IL1RN: variants seen among roughly 807,000 people sequenced by gnomAD.
IL1RN encodes interleukin-1 receptor antagonist protein.
IL1RN carries 10 observed loss-of-function variants against 13.7 expected under a neutral mutation model. The observed-to-expected ratio is 0.73, with a 90% CI of 0.45 to 1.24. The LOEUF is 1.24. Among genes scored for constraint, IL1RN ranks in the 50% most tolerant of loss-of-function variants. The pLI, the probability that IL1RN is intolerant of heterozygous loss-of-function variation, is 0.00. For synonymous variants in IL1RN, 102 were observed against 82.7 expected, an observed-to-expected ratio of 1.23 and a Z score of -1.27; for missense variants, 213 against 222.1, an observed-to-expected ratio of 0.96 and a Z score of 0.26.
chr2:113,126,105 C>T (rs559731877), upstream of IL1RN, among the ~76,000 whole-genome samples: 2 of 152,252 alleles, frequency 1.3e-5, no homozygotes, highest in East Asian at 1.9e-4. Context: ...GCCCAGCCAT[C>T]ATTTTTGAAA....
chr2:113,126,625 G>T (rs3087262), upstream of IL1RN, among the ~76,000 whole-genome samples: 1 of 151,966 alleles, frequency 6.6e-6, no homozygotes, highest in East Asian at 1.9e-4. Context: ...ATGTGTATCA[G>T]AGCCCATTAT....
chr2:113,116,838 C>T (rs36215121), upstream of IL1RN, among the ~76,000 whole-genome samples: 30 of 152,284 alleles, frequency 2.0e-4, no homozygotes, highest in South Asian at 6.2e-4. Flanking sequence ...TTATGTACTG[C>T]GTGTCATTCA....
the IL1RN span, among the ~76,000 whole-genome samples, chr2:113,101,147 T>C: frequency 6.6e-6 from 1 of 152,158 alleles, no homozygotes; most frequent in Non-Finnish European, 1.5e-5. Context: ...AAAGGCTAGT[T>C]TGTAAAGCTT....
At position 113,132,951 on chromosome 2, in the gene IL1RN, G is replaced by C. The variant is rs1479176934; in HGVS notation, c.*80G>C. The stretch of plus-strand genomic sequence containing the variant: ...CCAGTCCCCCTGCCCCAGGGCTCCC[G>C]GCTATGGGGGCACTGAGGACCAGCC... On this transcript the variant is annotated 3_prime_UTR_variant, in exon 4 of 4. Coordinates refer to ENST00000409930, the MANE Select transcript of IL1RN (RefSeq NM_173842.3). 2.2e-6 allele frequency: 3 copies of C among 1,348,460 alleles called. No individual in the cohort carries two copies. Among genetic ancestry groups the C allele is most frequent in the African/African-American group, 2.9e-5 (2 of 69,580 alleles). The allele number at this position is 1,348,460 out of a possible 1,614,324, so 83.5% of individuals were successfully genotyped here. A position where few individuals can be genotyped will look rare whatever the true frequency, so the allele number is the denominator to read the frequency against.
chr2:113,116,096 T>C (rs1686586087), upstream of IL1RN, among the ~76,000 whole-genome samples: 1 of 152,210 alleles, frequency 6.6e-6, no homozygotes, highest in Admixed American at 6.5e-5. Flanking sequence ...CTTATCTTAC[T>C]CTCATTTTAT....
chr2:113,104,949 C>T (rs911225453), upstream of IL1RN, among the ~76,000 whole-genome samples: 5 of 152,152 alleles, frequency 3.3e-5, no homozygotes, highest in African/African-American at 9.7e-5. Context: ...TGAGAAACTC[C>T]CAGTCCCAGT....
chr2:113,121,090 T>TTCTTCCTCTTCCTCTTCCTCTTCTTCC (rs1686766049), intron 2 of IL1RN, among the ~76,000 whole-genome samples: 1 of 115,134 alleles, frequency 8.7e-6, no homozygotes, highest in Non-Finnish European at 1.9e-5. Flanking sequence ...CTTCTTCTTC[T>TTCTTCCTCTTCCTCTTCCTCTTCTTCC]TCTTCCTCTT....
chr2:113,117,814 A>C (rs1490261908), upstream of IL1RN: 1 of 641,756 alleles, frequency 1.6e-6, no homozygotes, highest in Non-Finnish European at 2.8e-6. Context: ...CCATCTCCTC[A>C]TGCTGGCCAA....
At chr2:113,101,253 G>C in the IL1RN span, among the ~76,000 whole-genome samples, 1 of 152,134 alleles carries the variant, frequency 6.6e-6, no homozygotes, top group Non-Finnish European at 1.5e-5. Flanking sequence ...AGACGCAGTG[G>C]GGGTGAGGAG....
rs1368560048 is a variant in IL1RN at position 113,131,033 on chromosome 2, G to A, written c.206-12G>A. 1 of 1,540,580 alleles carries A rather than the reference G, an allele frequency of 6.5e-7. No homozygotes were observed. Among genetic ancestry groups the A allele is most frequent in the African/African-American group, 1.4e-5 (1 of 73,390 alleles). On this transcript the variant is annotated splice_polypyrimidine_tract_variant and intron_variant, in intron 2 of 3. Coordinates refer to ENST00000409930, the MANE Select transcript of IL1RN (RefSeq NM_173842.3). The stretch of plus-strand genomic sequence containing the variant: ...TTCTATTAACCTGACCCTCCCCTCT[G>A]TTCTTCCCCAGAAAAGATAGATGTG...
intron 3 of IL1RN, 82 bp from the exon 4 acceptor site, chr2:113,132,574 A>G (rs1210846106): frequency 7.6e-7 from 1 of 1,320,866 alleles, no homozygotes. Context: ...CCAGAGGGCC[A>G]TTTCATGGCG....
chr2:113,124,257 A>T (rs1281700715), upstream of IL1RN, among the ~76,000 whole-genome samples: 1 of 152,214 alleles, frequency 6.6e-6, no homozygotes, highest in Non-Finnish European at 1.5e-5. Context: ...GGGGGTGCTG[A>T]GGACCCAGAA....
chr2:113,116,338 T>C (rs1471122963), upstream of IL1RN, among the ~76,000 whole-genome samples: 2 of 152,226 alleles, frequency 1.3e-5, no homozygotes, highest in Non-Finnish European at 2.9e-5. Context: ...TAGTTTCTGA[T>C]TCTTTAGTCA....
upstream of IL1RN, among the ~76,000 whole-genome samples, chr2:113,107,809 A>T (rs2104420432): frequency 6.6e-6 from 1 of 152,278 alleles, no homozygotes; most frequent in African/African-American, 2.4e-5. Context: ...AGTGAATGAG[A>T]TTACTTCCTA....
chr2:113,132,861 A>C lies in IL1RN; in HGVS notation c.524A>C (p.Glu175Ala). The C allele has an allele frequency of 6.2e-7, 1 of 1,614,152 alleles. No individual in the cohort carries two copies. The highest frequency in any genetic ancestry group is 8.5e-7 in the Non-Finnish European group (1 of 1,179,960). Residue 175 changes from glutamate to alanine, a missense_variant, in exon 4 of 4, where the codon GAG (glutamate) becomes GCG (alanine). By Grantham distance (107) the Glu-to-Ala change is moderately radical. Transcript: ENST00000409930. ...ATGGTCACCAAATTCTACTTCCAGGAGGACGAGTAGTACTGCCCAGGCCTG... is the reference window on the plus strand; with the variant it reads ...ATGGTCACCAAATTCTACTTCCAGGCGGACGAGTAGTACTGCCCAGGCCTG... ...GVMVTKFYFQEDE is the reference protein window; with the variant it reads ...GVMVTKFYFQADE
chr2:113,128,904 T>C (rs1323313281), intron 1 of IL1RN, among the ~76,000 whole-genome samples: 1 of 152,176 alleles, frequency 6.6e-6, no homozygotes, highest in Non-Finnish European at 1.5e-5. Context: ...ATCAGGTCAC[T>C]GGCTGAGGTA....
At chr2:113,126,202 G>A (rs980491302), upstream of IL1RN, among the ~76,000 whole-genome samples, 1 of 152,198 alleles carries the variant, frequency 6.6e-6, no homozygotes, top group Non-Finnish European at 1.5e-5. Flanking sequence ...CTAGCTGAAG[G>A]GGGTGATGTA....
upstream of IL1RN, among the ~76,000 whole-genome samples, chr2:113,116,463 G>A (rs1686595168): frequency 6.7e-6 from 1 of 150,170 alleles, no homozygotes; most frequent in Admixed American, 6.6e-5. Context: ...GGCCCCATGG[G>A]AAGTCCCTGC....
upstream of IL1RN, among the ~76,000 whole-genome samples, chr2:113,106,844 T>C (rs531094139): frequency 6.6e-6 from 1 of 152,172 alleles, no homozygotes; most frequent in East Asian, 1.9e-4. Flanking sequence ...ATAAATCAAA[T>C]TAAAAAGTGA....
Sources: allele counts gnomAD v4.1 joint callset (sites outside exome capture counted in the v4.1 genomes callset), GRCh38; gene constraint gnomAD v4.1.1; transcripts MANE v1.5; gene names NCBI Gene and HGNC (gene_info 2026-07-23, HGNC 2026-07-21).